The following HTR1F variants were observed in gnomAD, a reference collection of about 807,000 sequenced individuals.
HTR1F encodes 5-hydroxytryptamine receptor 1F, also known as 5-hydroxytryptamine (serotonin) receptor 1F, G protein-coupled.
In HTR1F, 17 loss-of-function variants were observed where a neutral mutation model predicts 24.0. The observed-to-expected ratio is 0.71, with a 90% CI of 0.48 to 1.06. HTR1F has a LOEUF of 1.06. Among genes scored for constraint, HTR1F ranks in the 50% least tolerant of loss-of-function variants. HTR1F has a pLI of 0.00. For synonymous variants in HTR1F, 186 were observed against 156.8 expected (o/e 1.19, Z -1.39); for missense variants, 391 against 427.8 (o/e 0.91, Z 0.76).
intron 2 of HTR1F, among the ~76,000 whole-genome samples, chr3:87,922,398 T>C (rs1182232475): frequency 6.6e-6 from 1 of 151,934 alleles, no homozygotes; most frequent in Non-Finnish European, 1.5e-5. Flanking sequence ...AGGTTTCTTC[T>C]ATATGGTAAA....
intron 1 of HTR1F, among the ~76,000 whole-genome samples, chr3:87,814,079 A>G (rs1382967015): frequency 3.9e-5 from 6 of 152,188 alleles, no homozygotes; most frequent in African/African-American, 1.4e-4. Flanking sequence ...TAATTGGTAA[A>G]GGTAAAGGGT....
chr3:87,991,599 T>G lies in HTR1F; in HGVS notation c.850T>G (p.Ser284Ala). The change falls in exon 3 of 3, where the codon TCA becomes GCA. Residue 284 changes from serine (S) to alanine (A), a missense_variant. Transcript: ENST00000319595. ...HEKSWRRQKI[S>A]GTRERKAATT... ...GAAATCTTGGAGAAGGCAAAAGATC[T>G]CAGGTACAAGAGAACGGAAAGCAGC... is the stretch of plus-strand genomic sequence containing the variant. The G allele has an allele frequency of 6.2e-7, 1 of 1,614,070 alleles. No homozygotes were observed. The highest frequency in any genetic ancestry group is 8.5e-7 in the Non-Finnish European group (1 of 1,179,998).
At chr3:87,957,465 T>G (rs2107472742) in intron 2 of HTR1F, among the ~76,000 whole-genome samples, 1 of 151,350 alleles carries the variant, frequency 6.6e-6, no homozygotes, top group East Asian at 1.9e-4. Context: ...AATTATGAAA[T>G]CAGAAAATCA....
chr3:87,920,049 A>G (rs1336032483), intron 2 of HTR1F, among the ~76,000 whole-genome samples: 1 of 144,572 alleles, frequency 6.9e-6, no homozygotes, highest in East Asian at 2.0e-4. Context: ...ATATATATAT[A>G]TGATAGAATA....
chr3:87,850,348 T>C (rs1029409312), intron 2 of HTR1F, among the ~76,000 whole-genome samples: 10 of 151,534 alleles, frequency 6.6e-5, no homozygotes, highest in Non-Finnish European at 3.0e-5. Context: ...CTCAGCAAAC[T>C]ATCGCAAGGA....
intron 2 of HTR1F, among the ~76,000 whole-genome samples, chr3:87,845,296 C>A (rs1176230076): frequency 6.6e-6 from 1 of 151,848 alleles, no homozygotes; most frequent in Non-Finnish European, 1.5e-5. Context: ...TCAAATTGTA[C>A]CTGTTTGCAG....
At chr3:87,903,631 G>C (rs1468715343) in intron 2 of HTR1F, among the ~76,000 whole-genome samples, 1 of 151,568 alleles carries the variant, frequency 6.6e-6, no homozygotes, top group African/African-American at 2.4e-5. Flanking sequence ...AACAACAGGT[G>C]CTGGAGAGGA....
At chr3:87,968,240 T>G (rs1238146164) in intron 2 of HTR1F, among the ~76,000 whole-genome samples, 1 of 152,004 alleles carries the variant, frequency 6.6e-6, no homozygotes, top group Non-Finnish European at 1.5e-5. Flanking sequence ...GAGACAGAGT[T>G]TCACTCTTGT....
intron 2 of HTR1F, among the ~76,000 whole-genome samples, chr3:87,876,156 C>A (rs535483257): frequency 6.6e-6 from 1 of 152,048 alleles, no homozygotes; most frequent in Non-Finnish European, 1.5e-5. Context: ...TGATCATGGG[C>A]GTATAAAACA....
At chr3:87,866,831 T>C (rs1320259005) in intron 2 of HTR1F, among the ~76,000 whole-genome samples, 2 of 151,030 alleles carry the variant, frequency 1.3e-5, no homozygotes, top group African/African-American at 4.9e-5. Context: ...TGTGTGTGTG[T>C]GTGTGTGTGT....
intron 2 of HTR1F, among the ~76,000 whole-genome samples, chr3:87,932,145 C>G (rs1200011371): frequency 6.6e-6 from 1 of 152,040 alleles, no homozygotes; most frequent in African/African-American, 2.4e-5. Context: ...ATGGTAATGC[C>G]TAGGTTTTCT....
intron 2 of HTR1F, among the ~76,000 whole-genome samples, chr3:87,972,213 G>A (rs1705300316): frequency 6.6e-6 from 1 of 152,142 alleles, no homozygotes. Context: ...GGTTAAATTT[G>A]TAATTCAAAT....
chr3:87,801,678 G>A (rs1301427924), intron 1 of HTR1F, among the ~76,000 whole-genome samples: 1 of 152,170 alleles, frequency 6.6e-6, no homozygotes, highest in Non-Finnish European at 1.5e-5. Flanking sequence ...TTCCAAAGGA[G>A]GCTATCTCAG....
At chr3:87,893,447 A>G (rs1277082046) in intron 2 of HTR1F, among the ~76,000 whole-genome samples, 2 of 152,216 alleles carry the variant, frequency 1.3e-5, no homozygotes, top group African/African-American at 4.8e-5. Context: ...ATACATCCTT[A>G]GATTCCACAA....
intron 2 of HTR1F, among the ~76,000 whole-genome samples, chr3:87,982,525 G>A (rs1705567503): frequency 6.6e-6 from 1 of 152,142 alleles, no homozygotes; most frequent in Non-Finnish European, 1.5e-5. Context: ...CTTTCTGTAG[G>A]CAGAAAGCAG....
intron 2 of HTR1F, among the ~76,000 whole-genome samples, chr3:87,893,486 T>C (rs1484106774): frequency 6.6e-6 from 1 of 152,204 alleles, no homozygotes; most frequent in East Asian, 1.9e-4. Flanking sequence ...GAAATATCAA[T>C]CCATTGACTC....
At chr3:87,951,764 T>C (rs537791806) in intron 2 of HTR1F, among the ~76,000 whole-genome samples, 1 of 152,180 alleles carries the variant, frequency 6.6e-6, no homozygotes, top group Admixed American at 6.5e-5. Context: ...TGGACATATA[T>C]ATCCATCATT....
intron 2 of HTR1F, among the ~76,000 whole-genome samples, chr3:87,922,489 C>T (rs1283777325): frequency 6.6e-6 from 1 of 151,836 alleles, no homozygotes; most frequent in African/African-American, 2.4e-5. Flanking sequence ...GTGATTGTTA[C>T]CTTTGCTGTG....
intron 2 of HTR1F, among the ~76,000 whole-genome samples, chr3:87,985,640 T>C (rs1705647218): frequency 1.3e-5 from 2 of 152,232 alleles, no homozygotes; most frequent in South Asian, 2.1e-4. Flanking sequence ...AAAAGATGAA[T>C]GTTATTGTTA....
Sources: allele counts gnomAD v4.1 joint callset (sites outside exome capture counted in the v4.1 genomes callset), GRCh38; gene constraint gnomAD v4.1.1; transcripts MANE v1.5; gene names NCBI Gene and HGNC (gene_info 2026-07-23, HGNC 2026-07-21).